Variants in GRIA4 observed in about 807,000 individuals in gnomAD.
GRIA4 encodes the protein glutamate receptor 4.
Under a neutral mutation model 104.0 loss-of-function variants are expected in GRIA4, and 34 were observed. The ratio of observed to expected loss-of-function variants is 0.33; its 90% CI spans 0.25 to 0.44. The LOEUF (loss-of-function observed/expected upper bound fraction) is 0.44. GRIA4 is among the 20% of genes least tolerant of loss of function. The pLI is 1.00. For missense variants in GRIA4, 750 were observed against 1,096.5 expected (o/e 0.68, Z 4.46); for synonymous variants, 386 against 381.9 (o/e 1.01, Z -0.13).
At chr11:105,882,505 C>T (rs562151082) in intron 5 of GRIA4, among the ~76,000 whole-genome samples, 2 of 152,234 alleles carry the variant, frequency 1.3e-5, no homozygotes, top group South Asian at 4.2e-4. Context: ...CTCAAATTGA[C>T]CTTAATATGT....
chr11:105,686,324 T>G (rs2135480133), intron 3 of GRIA4, among the ~76,000 whole-genome samples: 1 of 152,290 alleles, frequency 6.6e-6, no homozygotes, highest in South Asian at 2.1e-4. Context: ...AACAAGTGGT[T>G]TTTGGTTTAA....
intron 9 of GRIA4, among the ~76,000 whole-genome samples, chr11:105,910,190 G>A (rs1475053529): frequency 6.6e-6 from 1 of 151,974 alleles, no homozygotes; most frequent in African/African-American, 2.4e-5. Context: ...CAATCTCTTG[G>A]TCACTCCACT....
At chr11:105,904,527 A>G (rs1251045066) in intron 8 of GRIA4, among the ~76,000 whole-genome samples, 1 of 152,240 alleles carries the variant, frequency 6.6e-6, no homozygotes, top group Admixed American at 6.5e-5. Flanking sequence ...TACCAGAACC[A>G]GAAATAATGA....
intron 4 of GRIA4, among the ~76,000 whole-genome samples, chr11:105,857,342 G>C (rs1403692424): frequency 1.3e-5 from 2 of 152,016 alleles, no homozygotes; most frequent in African/African-American, 2.4e-5. Flanking sequence ...CTGACAAATT[G>C]TGCCAGACCA....
chr11:105,704,457 G>C (rs1953620497), intron 3 of GRIA4, among the ~76,000 whole-genome samples: 1 of 151,956 alleles, frequency 6.6e-6, no homozygotes, highest in Non-Finnish European at 1.5e-5. Context: ...ACAGAGAAAA[G>C]AGAATGGTCA....
chr11:105,740,770 C>T (rs1378753502), intron 3 of GRIA4, among the ~76,000 whole-genome samples: 1 of 152,006 alleles, frequency 6.6e-6, no homozygotes, highest in Non-Finnish European at 1.5e-5. Context: ...GTGAGAGCAG[C>T]TACTGCAAAG....
At chr11:105,690,728 C>T (rs1953053155) in intron 3 of GRIA4, among the ~76,000 whole-genome samples, 1 of 152,168 alleles carries the variant, frequency 6.6e-6, no homozygotes, top group African/African-American at 2.4e-5. Context: ...AACATTCACC[C>T]ACCCATGCTG....
chr11:105,760,922 G>T (rs189586148), intron 4 of GRIA4, among the ~76,000 whole-genome samples: 167 of 152,088 alleles, frequency 1.1e-3, no homozygotes, highest in Admixed American at 2.6e-3. Context: ...ATTTATTTCT[G>T]ATTTTTAGCT....
intron 4 of GRIA4, among the ~76,000 whole-genome samples, chr11:105,854,735 T>C (rs1944949153): frequency 6.6e-6 from 1 of 152,032 alleles, no homozygotes; most frequent in Non-Finnish European, 1.5e-5. Context: ...AGAATGGAAT[T>C]AATGGTGACT....
chr11:105,791,512 C>T (rs1942214186), intron 4 of GRIA4, among the ~76,000 whole-genome samples: 1 of 152,150 alleles, frequency 6.6e-6, no homozygotes, highest in Non-Finnish European at 1.5e-5. Context: ...ATGAAGATTA[C>T]TCCCATTTCA....
intron 5 of GRIA4, among the ~76,000 whole-genome samples, chr11:105,871,279 T>C (rs1365385553): frequency 1.3e-5 from 2 of 152,044 alleles, no homozygotes. Context: ...TTTAGAAAAA[T>C]AAATTTGTTT....
intron 11 of GRIA4, among the ~76,000 whole-genome samples, chr11:105,921,670 T>G (rs1229506774): frequency 6.6e-6 from 1 of 152,158 alleles, no homozygotes; most frequent in East Asian, 1.9e-4. Flanking sequence ...CATGTGTCTT[T>G]TTAAGGCTTC....
chr11:105,933,993 T>A (rs1185526777), intron 14 of GRIA4, 24 bp downstream of exon 14: 2 of 1,580,876 alleles, frequency 1.3e-6, no homozygotes, highest in Non-Finnish European at 1.7e-6. Flanking sequence ...TATAACAATA[T>A]AACATGTGTT....
At chr11:105,847,872 A>G (rs974461505) in intron 4 of GRIA4, among the ~76,000 whole-genome samples, 4 of 152,216 alleles carry the variant, frequency 2.6e-5, no homozygotes, top group South Asian at 2.1e-4. Context: ...AGATGGCCCT[A>G]TAGAATATTT....
At chr11:105,769,613 G>A (rs1941119509) in intron 4 of GRIA4, among the ~76,000 whole-genome samples, 1 of 151,968 alleles carries the variant, frequency 6.6e-6, no homozygotes, top group Admixed American at 6.6e-5. Context: ...CTAGATGGGG[G>A]GCAGGGGGTA....
At chr11:105,794,466 T>TATGC (rs1942370003) in intron 4 of GRIA4, among the ~76,000 whole-genome samples, 1 of 38,440 alleles carries the variant, frequency 2.6e-5, no homozygotes, top group Non-Finnish European at 4.7e-5. Flanking sequence ...TGTGTGTGTA[T>TATGC]ATGTATGTAT....
chr11:105,825,373 G>A (rs61902561), intron 4 of GRIA4, among the ~76,000 whole-genome samples: 18,792 of 152,086 alleles, frequency 0.12, 1,280 homozygotes, highest in Admixed American at 0.22. Flanking sequence ...AGCCAGCAAT[G>A]TGGTTCAGGC....
intron 3 of GRIA4, among the ~76,000 whole-genome samples, chr11:105,616,755 T>C (rs962601947): frequency 2.0e-5 from 3 of 151,770 alleles, no homozygotes; most frequent in Admixed American, 6.6e-5. Flanking sequence ...TATTTGACTT[T>C]TGCCTATATT....
At chr11:105,947,546 T>C (rs1413597624) in intron 14 of GRIA4, among the ~76,000 whole-genome samples, 1 of 152,220 alleles carries the variant, frequency 6.6e-6, no homozygotes, top group African/African-American at 2.4e-5. Context: ...TTAGCTCTTT[T>C]GGATAACAGA....
Sources: allele counts gnomAD v4.1 joint callset (sites outside exome capture counted in the v4.1 genomes callset), GRCh38; gene constraint gnomAD v4.1.1; transcripts MANE v1.5; gene names NCBI Gene and HGNC (gene_info 2026-07-23, HGNC 2026-07-21).